Variants in NRG1 observed in about 807,000 individuals in gnomAD.
The protein encoded by NRG1 is pro-neuregulin-1, membrane-bound isoform.
Under a neutral mutation model 63.8 loss-of-function variants are expected in NRG1, and 18 were observed. That is an observed-to-expected ratio of 0.28 (90% CI 0.19 to 0.42). The LOEUF (loss-of-function observed/expected upper bound fraction) is 0.42. Ranked by LOEUF, NRG1 falls within the 10% of genes least tolerant of loss-of-function variation. NRG1 has a pLI of 1.00. For missense variants in NRG1, 762 were observed against 814.7 expected, an observed-to-expected ratio of 0.94 and a Z score of 0.79; for synonymous variants, 302 against 301.3, an observed-to-expected ratio of 1.00 and a Z score of -0.02.
At chr8:31,956,844 G>T (rs1804520928) in intron 1 of NRG1, among the ~76,000 whole-genome samples, 1 of 152,188 alleles carries the variant, frequency 6.6e-6, no homozygotes, top group Non-Finnish European at 1.5e-5. Context: ...ATGGATAAAA[G>T]ATGTATAATA....
intron 1 of NRG1, among the ~76,000 whole-genome samples, chr8:31,892,542 A>C (rs1379008288): frequency 1.3e-5 from 2 of 152,144 alleles, no homozygotes; most frequent in Non-Finnish European, 2.9e-5. Flanking sequence ...TGCTCTGGTA[A>C]AATTACTTAT....
chr8:32,042,307 G>T (rs959824271), intron 1 of NRG1, among the ~76,000 whole-genome samples: 4 of 151,960 alleles, frequency 2.6e-5, no homozygotes, highest in African/African-American at 9.7e-5. Context: ...AAAATAAAAA[G>T]CTGGGCATAG....
At position 32,020,533 on chromosome 8, in the gene NRG1, CCTTGT is replaced by C. The variant is rs531364099; in HGVS notation, c.37+381109_37+381113del. ...ATGTGGAATGGGTGATAATAGACAT[CCTTGT>C]CTTGTCCCCACCATCAGAAATGCAC... On this transcript the variant is annotated intron_variant, in intron 1 of 10. Coordinates refer to the NRG1 transcript ENST00000519301. 2.6e-3 allele frequency among the ~76,000 whole-genome samples: 391 copies of C among 152,150 alleles called. 3 individuals carry two copies. The highest frequency in any genetic ancestry group is 9.0e-3 in the African/African-American group (372 of 41,528).
intron 1 of NRG1, among the ~76,000 whole-genome samples, chr8:31,643,859 T>C (rs1804037684): frequency 1.3e-5 from 2 of 152,228 alleles, no homozygotes; most frequent in Non-Finnish European, 2.9e-5. Flanking sequence ...GTACAAACAC[T>C]GAGGTTGAAT....
At chr8:32,743,040 G>T in intron 7 of NRG1, 1 of 1,141,830 alleles carries the variant, frequency 8.8e-7, no homozygotes, top group Non-Finnish European at 1.1e-6. Flanking sequence ...GATAATAAAG[G>T]CATTTCAAAG....
chr8:32,022,521 T>C (rs1175719468), intron 1 of NRG1, among the ~76,000 whole-genome samples: 1 of 152,212 alleles, frequency 6.6e-6, no homozygotes, highest in African/African-American at 2.4e-5. Flanking sequence ...GTCTAGAGTA[T>C]ATTCAAATTA....
At chr8:31,940,325 T>C (rs1419579080) in intron 1 of NRG1, among the ~76,000 whole-genome samples, 1 of 151,922 alleles carries the variant, frequency 6.6e-6, no homozygotes, top group East Asian at 1.9e-4. Flanking sequence ...GAAATCAAGA[T>C]GGAAATTAAA....
intron 1 of NRG1, among the ~76,000 whole-genome samples, chr8:31,942,634 A>G (rs1486288636): frequency 6.6e-6 from 1 of 152,202 alleles, no homozygotes; most frequent in Non-Finnish European, 1.5e-5. Flanking sequence ...TTCACAATCT[A>G]TACATCTGAC....
intron 1 of NRG1, among the ~76,000 whole-genome samples, chr8:31,941,669 G>C (rs1004563843): frequency 6.6e-6 from 1 of 152,022 alleles, no homozygotes; most frequent in African/African-American, 2.4e-5. Flanking sequence ...AAAGCTCCTA[G>C]AACTGGTAAA....
At chr8:32,328,719 T>C (rs1447628922) in intron 1 of NRG1, among the ~76,000 whole-genome samples, 2 of 152,132 alleles carry the variant, frequency 1.3e-5, no homozygotes, top group Non-Finnish European at 2.9e-5. Context: ...GGGTTCCATA[T>C]TGGTTTCTGA....
At chr8:32,735,711 G>A (rs889715931) in intron 6 of NRG1, among the ~76,000 whole-genome samples, 4 of 152,184 alleles carry the variant, frequency 2.6e-5, no homozygotes, top group Non-Finnish European at 5.9e-5. Context: ...GATTCATCAT[G>A]TAGAGTAAAC....
Position 32,616,311 on chromosome 8 carries a change from A to G in NRG1, c.452-524A>G, listed in dbSNP as rs138941996. ...TGTTTGATCCTAATGTAATTATTCT[A>G]TTGCTCTAGCAGACTTTGCATGGAC... On this transcript the variant is annotated intron_variant, in intron 4 of 11. Coordinates refer to ENST00000356819, the Ensembl canonical transcript of NRG1. Among the ~76,000 whole-genome samples the G allele has an allele frequency of 3.4e-3, 510 of 151,960 alleles. 2 individuals carry two copies. The highest frequency in any genetic ancestry group is 0.011 in the African/African-American group (473 of 41,452).
chr8:32,244,321 A>G (rs1172289108), intron 1 of NRG1, among the ~76,000 whole-genome samples: 1 of 152,128 alleles, frequency 6.6e-6, no homozygotes, highest in South Asian at 2.1e-4. Flanking sequence ...ATATTTAGAA[A>G]TTATCGAGTC....
At chr8:32,460,622 C>T (rs1822187580) in intron 1 of NRG1, among the ~76,000 whole-genome samples, 1 of 152,166 alleles carries the variant, frequency 6.6e-6, no homozygotes, top group Admixed American at 6.5e-5. Flanking sequence ...CAGCATTTTA[C>T]TTTGCCAGCC....
At chr8:32,644,803 T>C (rs1374930045) in intron 5 of NRG1, among the ~76,000 whole-genome samples, 1 of 146,596 alleles carries the variant, frequency 6.8e-6, no homozygotes, top group Non-Finnish European at 1.5e-5. Context: ...CCCAGTAACT[T>C]TTTTTTTTTT....
intron 1 of NRG1, among the ~76,000 whole-genome samples, chr8:32,028,121 T>G (rs1251380091): frequency 6.6e-6 from 1 of 152,188 alleles, no homozygotes; most frequent in African/African-American, 2.4e-5. Flanking sequence ...ACTACTATTT[T>G]TATATTACTA....
chr8:32,573,239 G>C (rs1838963992), intron 1 of NRG1, among the ~76,000 whole-genome samples: 1 of 152,352 alleles, frequency 6.6e-6, no homozygotes, highest in South Asian at 2.1e-4. Context: ...AAATTCTACA[G>C]ATGTTCCATG....
intron 1 of NRG1, among the ~76,000 whole-genome samples, chr8:32,200,026 G>A (rs1197601680): frequency 4.6e-5 from 7 of 152,076 alleles, no homozygotes; most frequent in Admixed American, 1.3e-4. Context: ...TGATCTGCCC[G>A]TCTCAGCCTC....
chr8:32,658,229 GC>G (rs1701088425), intron 5 of NRG1, among the ~76,000 whole-genome samples: 1 of 152,138 alleles, frequency 6.6e-6, no homozygotes, highest in African/African-American at 2.4e-5. Context: ...CAAAATCCTT[GC>G]AAAATTCATT....
Sources: gnomAD v4.1 joint callset for allele counts (sites outside exome capture counted in the v4.1 genomes callset) on GRCh38, gnomAD v4.1.1 for gene constraint, MANE v1.5 for transcripts, NCBI Gene and HGNC (gene_info 2026-07-23, HGNC 2026-07-21) for gene names.